The following UVRAG variants were observed in gnomAD, a reference collection of about 807,000 sequenced individuals.
UVRAG encodes UV radiation resistance-associated gene protein.
UVRAG carries 19 observed loss-of-function variants against 78.0 expected under a neutral mutation model. The ratio of observed to expected loss-of-function variants is 0.24; its 90% CI spans 0.17 to 0.36. UVRAG has a LOEUF of 0.36. Ranked by LOEUF, UVRAG falls within the 10% of genes least tolerant of loss-of-function variation. UVRAG has a pLI of 1.00. For missense variants in UVRAG, 740 were observed against 853.8 expected (o/e 0.87, Z 1.66); for synonymous variants, 323 against 324.6 (o/e 1.00, Z 0.05).
At chr11:75,849,485 C>T (rs1946108235) in intron 1 of UVRAG, among the ~76,000 whole-genome samples, 1 of 145,602 alleles carries the variant, frequency 6.9e-6, no homozygotes, top group Admixed American at 6.7e-5. Flanking sequence ...CAGAGCGAGA[C>T]TCCATCTCAA....
chr11:75,823,185 G>T (rs897172411), intron 1 of UVRAG, among the ~76,000 whole-genome samples: 3 of 152,162 alleles, frequency 2.0e-5, no homozygotes, highest in African/African-American at 7.2e-5. Context: ...AAAGACCAAA[G>T]TATATATTTA....
intron 6 of UVRAG, among the ~76,000 whole-genome samples, chr11:75,923,583 A>T (rs1948025104): frequency 6.6e-6 from 1 of 152,218 alleles, no homozygotes; most frequent in Admixed American, 6.5e-5. Flanking sequence ...CATCTGAAAC[A>T]GATTAAATAA....
chr11:75,842,656 G>T (rs2135844002), intron 1 of UVRAG, among the ~76,000 whole-genome samples: 1 of 152,126 alleles, frequency 6.6e-6, no homozygotes, highest in African/African-American at 2.4e-5. Context: ...TGCCCAGGCT[G>T]GTCTTGAACT....
At position 76,020,255 on chromosome 11, in the gene UVRAG, C is replaced by G. The variant is rs79899157; in HGVS notation, c.1226+3275C>G. On this transcript the variant is annotated intron_variant, in intron 12 of 14. Transcript: ENST00000356136. The stretch of plus-strand genomic sequence containing the variant: ...GAGGGTTCCCCTCTGGACCAGGACA[C>G]GTCCAGAAATGCCATCCAAGAGCCA... 8.8e-3 allele frequency among the ~76,000 whole-genome samples: 1,346 copies of G among 152,166 alleles called. 20 individuals are homozygous for G. Among genetic ancestry groups the G allele is most frequent in the African/African-American group, 0.031 (1,279 of 41,498 alleles).
intron 13 of UVRAG, among the ~76,000 whole-genome samples, chr11:76,110,228 A>ATATATATATG (rs1170175017): frequency 6.7e-6 from 1 of 150,032 alleles, no homozygotes; most frequent in African/African-American, 2.5e-5. Flanking sequence ...ATATATATAT[A>ATATATATATG]TATGTATTAG....
chr11:76,005,450 A>C (rs944451187), intron 9 of UVRAG, among the ~76,000 whole-genome samples: 1 of 152,162 alleles, frequency 6.6e-6, no homozygotes, highest in Non-Finnish European at 1.5e-5. Flanking sequence ...TGTTTGTCCA[A>C]CTCACTAGCA....
At chr11:76,048,718 A>G (rs1049674790) in intron 12 of UVRAG, among the ~76,000 whole-genome samples, 1 of 152,234 alleles carries the variant, frequency 6.6e-6, no homozygotes, top group Admixed American at 6.5e-5. Flanking sequence ...CAGCATATTC[A>G]CTTTAGAAAA....
chr11:75,969,295 C>G (rs1361761901), intron 7 of UVRAG, among the ~76,000 whole-genome samples: 1 of 152,168 alleles, frequency 6.6e-6, no homozygotes, highest in East Asian at 1.9e-4. Flanking sequence ...CAAGCTTCAT[C>G]CATGGTGTAG....
At chr11:76,089,904 C>T (rs903035977) in intron 13 of UVRAG, among the ~76,000 whole-genome samples, 54 of 152,122 alleles carry the variant, frequency 3.5e-4, no homozygotes, top group African/African-American at 1.3e-3. Context: ...ACCAACTGAA[C>T]ATACCCCGTT....
chr11:76,097,978 A>G (rs919299048), intron 13 of UVRAG, among the ~76,000 whole-genome samples: 1 of 150,952 alleles, frequency 6.6e-6, no homozygotes, highest in African/African-American at 2.4e-5. Flanking sequence ...ATCTACTTTC[A>G]TCCACAGAAA....
At chr11:75,883,797 A>T (rs1947009993) in intron 4 of UVRAG, among the ~76,000 whole-genome samples, 1 of 152,156 alleles carries the variant, frequency 6.6e-6, no homozygotes, top group African/African-American at 2.4e-5. Flanking sequence ...AGTTAGGTTT[A>T]TTGAGGTACA....
At chr11:75,977,529 G>A (rs1949270688) in intron 7 of UVRAG, among the ~76,000 whole-genome samples, 1 of 152,116 alleles carries the variant, frequency 6.6e-6, no homozygotes, top group Non-Finnish European at 1.5e-5. Flanking sequence ...GGTCTCTAAG[G>A]ACTTGCTTTA....
At chr11:76,018,405 TTTG>T (rs1358176170) in intron 12 of UVRAG, among the ~76,000 whole-genome samples, 1 of 152,086 alleles carries the variant, frequency 6.6e-6, no homozygotes, top group Non-Finnish European at 1.5e-5. Flanking sequence ...CTGTGTTTTT[TTTG>T]TTGTTGTTGT....
chr11:76,003,257 ATTTTTTTTTTTTTTTTTTTT>A (rs398045280), intron 8 of UVRAG, among the ~76,000 whole-genome samples: 3 of 53,734 alleles, frequency 5.6e-5, no homozygotes, highest in Non-Finnish European at 9.4e-5. Context: ...GAAAATACTG[ATTTTTTTTTTTTTTTTTTTT>A]TTTTTTTTTT....
chr11:75,996,671 G>A (rs1442097454), intron 8 of UVRAG, among the ~76,000 whole-genome samples: 3 of 152,090 alleles, frequency 2.0e-5, no homozygotes, highest in Admixed American at 1.3e-4. Context: ...CTGGGGGCAG[G>A]CACAATAATG....
chr11:76,013,465 C>T lies in UVRAG; in HGVS notation c.1061-3350C>T, dbSNP rs114999453. ...CACTAACAAAACTATTGTCTGTGAC[C>T]TTTCTAACCCCCAGAACAGCATAAG... On this transcript the variant is annotated intron_variant, in intron 11 of 14. Coordinates refer to ENST00000356136, the MANE Select transcript of UVRAG (RefSeq NM_003369.4). Among the ~76,000 whole-genome samples, 3 of 152,274 alleles carry T rather than the reference C, an allele frequency of 2.0e-5. No homozygotes were observed. The East Asian group carries it at 5.8e-4, about 29-fold the overall frequency.
intron 1 of UVRAG, among the ~76,000 whole-genome samples, chr11:75,830,119 T>C (rs958562100): frequency 1.3e-5 from 2 of 152,186 alleles, no homozygotes; most frequent in African/African-American, 4.8e-5. Context: ...GGATTACAGA[T>C]GTGAGCCACT....
intron 7 of UVRAG, among the ~76,000 whole-genome samples, chr11:75,968,858 C>T (rs1949074538): frequency 6.6e-6 from 1 of 152,154 alleles, no homozygotes. Context: ...TCTTTTTCCT[C>T]AGTGATGTAA....
At chr11:75,959,501 C>T (rs1948870153) in intron 6 of UVRAG, among the ~76,000 whole-genome samples, 1 of 152,156 alleles carries the variant, frequency 6.6e-6, no homozygotes, top group Non-Finnish European at 1.5e-5. Flanking sequence ...TCTCAGCCTT[C>T]AAAGATTTGA....
Sources: allele counts gnomAD v4.1 joint callset (sites outside exome capture counted in the v4.1 genomes callset), GRCh38; gene constraint gnomAD v4.1.1; transcripts MANE v1.5; gene names NCBI Gene and HGNC (gene_info 2026-07-23, HGNC 2026-07-21).